The following NEK1 variants were observed in gnomAD, a reference collection of about 807,000 sequenced individuals.
The protein encoded by NEK1 is serine/threonine-protein kinase Nek1.
A neutral mutation model predicts 182.1 loss-of-function variants in NEK1; 137 were observed. That is an observed-to-expected ratio of 0.75 (90% CI 0.65 to 0.87). The LOEUF is 0.87. Ranked by LOEUF, NEK1 falls within the 40% of genes least tolerant of loss-of-function variation. The pLI is 0.00. For missense variants in NEK1, 1,391 were observed against 1,494.4 expected (o/e 0.93, Z 1.14); for synonymous variants, 513 against 492.2 (o/e 1.04, Z -0.56).
intron 31 of NEK1, among the ~76,000 whole-genome samples, chr4:169,408,973 T>C (rs546649144): frequency 1.3e-5 from 2 of 152,308 alleles, no homozygotes; most frequent in East Asian, 3.9e-4. Context: ...CTTCTTTTCC[T>C]TTGGGTAGAT....
chr4:169,525,863 A>T (rs1481160951), intron 19 of NEK1, among the ~76,000 whole-genome samples: 1 of 152,218 alleles, frequency 6.6e-6, no homozygotes, highest in African/African-American at 2.4e-5. Context: ...TAATCTTGAG[A>T]GTCAGACATT....
At chr4:169,445,873 C>CATATATATATATATATATAT (rs1740450401) in intron 27 of NEK1, among the ~76,000 whole-genome samples, 1 of 136,926 alleles carries the variant, frequency 7.3e-6, no homozygotes, top group African/African-American at 3.6e-5. Flanking sequence ...TATACACACA[C>CATATATATATATATATATAT]ACACACACAC....
rs1736032215 is a variant in NEK1, at chr4:169,424,536, T to G, written c.3222+17A>C. 2 of 1,560,274 alleles carry G rather than the reference T, an allele frequency of 1.3e-6. No homozygotes were observed. Among genetic ancestry groups the G allele is most frequent in the Non-Finnish European group, 1.7e-6 (2 of 1,150,676 alleles). On this transcript the variant is annotated intron_variant, in intron 31 of 35. Coordinates refer to ENST00000507142, the MANE Select transcript of NEK1 (RefSeq NM_001199397.3). ...TTATCGAATGGATAATATTTTCCACTTGAGGACCATACTTGCCTTTGGGTT... is the reference window on the plus strand; with the variant it reads ...TTATCGAATGGATAATATTTTCCACGTGAGGACCATACTTGCCTTTGGGTT...
intron 19 of NEK1, among the ~76,000 whole-genome samples, chr4:169,529,346 T>C (rs150224868): frequency 6.0e-4 from 91 of 152,306 alleles, no homozygotes; most frequent in Non-Finnish European, 1.1e-3. Context: ...ACATTGTGAA[T>C]GTACTTAATG....
At chr4:169,561,771 T>C (rs375197412) in intron 14 of NEK1, 34 bp from the exon 15 acceptor site, 29 of 1,597,234 alleles carry the variant, frequency 1.8e-5, no homozygotes, top group Non-Finnish European at 2.5e-5. Context: ...TTCTTACAAC[T>C]CTTGAACCTA....
chr4:169,480,861 AGCC>A (rs1747864291), intron 23 of NEK1, among the ~76,000 whole-genome samples: 1 of 152,188 alleles, frequency 6.6e-6, no homozygotes, highest in African/African-American at 2.4e-5. Flanking sequence ...TACAAGCGTA[AGCC>A]ACTGTGCCCA....
chr4:169,599,212 C>T lies in NEK1; in HGVS notation c.215-15G>A. On this transcript the variant is annotated splice_polypyrimidine_tract_variant and intron_variant, in intron 4 of 35. Transcript: ENST00000507142. Reference sequence around the variant, plus strand: ...AGAGCCATTTTCTACAAAATATAAACATTACAGTCCACTTTTAAAAACGTA... The same window carrying T: ...AGAGCCATTTTCTACAAAATATAAATATTACAGTCCACTTTTAAAAACGTA... 6.5e-7 allele frequency: 1 copy of T among 1,545,988 alleles called. No individual in the cohort carries two copies. Among genetic ancestry groups the T allele is most frequent in the Non-Finnish European group, 8.9e-7 (1 of 1,125,500 alleles).
At chr4:169,569,905 A>G (rs1008694991) in intron 12 of NEK1, among the ~76,000 whole-genome samples, 8 of 151,480 alleles carry the variant, frequency 5.3e-5, no homozygotes, top group Non-Finnish European at 8.8e-5. Context: ...GCCTCTGCCC[A>G]GCCGCCACCC....
intron 23 of NEK1, among the ~76,000 whole-genome samples, chr4:169,497,207 A>G (rs1230748490): frequency 3.9e-5 from 6 of 152,174 alleles, no homozygotes; most frequent in African/African-American, 1.4e-4. Context: ...TGTTTATAGT[A>G]TTCTCTGATG....
At chr4:169,543,795 C>T (rs1759884482) in intron 18 of NEK1, among the ~76,000 whole-genome samples, 1 of 151,968 alleles carries the variant, frequency 6.6e-6, no homozygotes, top group African/African-American at 2.4e-5. Context: ...TCTGTTATTG[C>T]TGTATAGGGA....
At chr4:169,549,190 T>A (rs1761029561) in intron 18 of NEK1, among the ~76,000 whole-genome samples, 1 of 152,156 alleles carries the variant, frequency 6.6e-6, no homozygotes, top group Admixed American at 6.5e-5. Flanking sequence ...CAGTTCCTAA[T>A]GGCTTCCCTT....
intron 29 of NEK1, among the ~76,000 whole-genome samples, chr4:169,429,761 T>A (rs1055388904): frequency 5.9e-5 from 9 of 152,212 alleles, no homozygotes; most frequent in Admixed American, 2.0e-4. Context: ...CATACTGTTG[T>A]ATTTACTATC....
rs192920870 is a variant in NEK1, at chr4:169,396,781, C to T, written c.3848-2258G>A. On this transcript the variant is annotated intron_variant, in intron 35 of 35. Coordinates refer to ENST00000507142, the MANE Select transcript of NEK1 (RefSeq NM_001199397.3). Reference sequence around the variant, plus strand: ...TATCTTAATGACTTGATGTCACTTTCGGGTGAGCGAGATAAAATTTTGCTT... The same window carrying T: ...TATCTTAATGACTTGATGTCACTTTTGGGTGAGCGAGATAAAATTTTGCTT... Among the ~76,000 whole-genome samples the T allele has an allele frequency of 2.0e-4, 30 of 152,256 alleles. No individual in the cohort carries two copies. The East Asian group carries it at 3.3e-3, about 17-fold the overall frequency.
chr4:169,524,547 C>T (rs984574245), intron 19 of NEK1, among the ~76,000 whole-genome samples: 1 of 148,022 alleles, frequency 6.8e-6, no homozygotes, highest in Admixed American at 6.7e-5. Flanking sequence ...TCAAATCAAA[C>T]AGAACAAGGT....
At chr4:169,579,252 A>C (rs1397442495) in intron 11 of NEK1, among the ~76,000 whole-genome samples, 2 of 152,210 alleles carry the variant, frequency 1.3e-5, no homozygotes, top group Non-Finnish European at 2.9e-5. Flanking sequence ...TCATTCAACC[A>C]AATGCTCTTA....
intron 12 of NEK1, 39 bp downstream of exon 12, chr4:169,576,889 G>T (rs1026293241): frequency 8.5e-6 from 13 of 1,535,988 alleles, no homozygotes; most frequent in African/African-American, 8.2e-5. Flanking sequence ...AGGTTGAATT[G>T]AATTTGTTAT....
intron 5 of NEK1, among the ~76,000 whole-genome samples, chr4:169,592,061 A>G (rs1030238667): frequency 1.3e-5 from 2 of 152,158 alleles, no homozygotes; most frequent in African/African-American, 4.8e-5. Context: ...TTAAGATACT[A>G]TATTATCTTG....
chr4:169,461,075 T>C (rs1047690045), intron 27 of NEK1, among the ~76,000 whole-genome samples: 2 of 152,194 alleles, frequency 1.3e-5, no homozygotes, highest in African/African-American at 4.8e-5. Flanking sequence ...TAGTAGTGTT[T>C]CCATTCTACA....
chr4:169,477,449 T>C lies in NEK1; in HGVS notation c.2188A>G (p.Thr730Ala). 2 of 1,607,190 alleles carry C rather than the reference T, an allele frequency of 1.2e-6. No individual in the cohort carries two copies. Among genetic ancestry groups the C allele is most frequent in the Non-Finnish European group, 1.7e-6 (2 of 1,176,740 alleles). The change falls in exon 25 of 36, where the codon ACC becomes GCC. Residue 730 changes from threonine to alanine, a missense_variant. Physicochemically the swap from Thr to Ala is moderately conservative, Grantham distance 58. Coordinates refer to ENST00000507142, the MANE Select transcript of NEK1 (RefSeq NM_001199397.3). Reference protein sequence around the residue: ...TRETSEEMQKTNNAISSKREI... With the variant: ...TRETSEEMQKANNAISSKREI... ...TTACTTACTGAAATAGCATTGTTGG[T>C]CTTTTGCATCTCTTCTGAAGTTTCC...
Sources: allele counts gnomAD v4.1 joint callset (sites outside exome capture counted in the v4.1 genomes callset), GRCh38; gene constraint gnomAD v4.1.1; transcripts MANE v1.5; gene names NCBI Gene and HGNC (gene_info 2026-07-23, HGNC 2026-07-21).